CDK13: variants seen among roughly 807,000 people sequenced by gnomAD.
CDK13 encodes the protein cyclin-dependent kinase 13.
CDK13 carries 40 observed loss-of-function variants against 137.6 expected under a neutral mutation model. The ratio of observed to expected loss-of-function variants is 0.29; its 90% CI spans 0.23 to 0.38. CDK13 has a LOEUF of 0.38. Among genes scored for constraint, CDK13 ranks in the 10% least tolerant of loss-of-function variants. CDK13 has a pLI of 1.00. For missense variants in CDK13, 1,704 were observed against 1,951.8 expected (o/e 0.87, Z 2.39); for synonymous variants, 869 against 760.1 (o/e 1.14, Z -2.36).
intron 7 of CDK13, among the ~76,000 whole-genome samples, chr7:40,050,664 A>G (rs956281844): frequency 6.6e-6 from 1 of 152,222 alleles, no homozygotes; most frequent in Admixed American, 6.5e-5. Flanking sequence ...AAGTGCTGGG[A>G]TTATAGGCAT....
intron 6 of CDK13, among the ~76,000 whole-genome samples, chr7:40,046,840 A>G (rs954801239): frequency 1.3e-5 from 2 of 151,688 alleles, no homozygotes; most frequent in African/African-American, 2.4e-5. Flanking sequence ...TGTCTCTACT[A>G]AAAATACAAA....
intron 5 of CDK13, among the ~76,000 whole-genome samples, chr7:40,024,919 C>T (rs1310138659): frequency 6.6e-6 from 1 of 152,070 alleles, no homozygotes. Context: ...CCGCCTTGGC[C>T]TCCCAAAGTG....
intron 5 of CDK13, among the ~76,000 whole-genome samples, chr7:40,033,809 T>C (rs1197159874): frequency 1.3e-5 from 2 of 152,214 alleles, no homozygotes; most frequent in Non-Finnish European, 2.9e-5. Flanking sequence ...CCTGTGTCCC[T>C]GGTCTGTAGT....
At chr7:40,070,502 G>T (rs1194162967) in intron 9 of CDK13, 1 of 151,434 alleles carries the variant, frequency 6.6e-6, no homozygotes, top group Non-Finnish European at 1.5e-5. Flanking sequence ...TTTACTTGAA[G>T]TCAGGAGTTT....
Position 40,099,506 on chromosome 7 carries a change from A to T in CDK13, c.*4526A>T, listed in dbSNP as rs1787101558. ...AACTGTTAACATCTAATGTATTAAT[A>T]TAAGCCATTTGTTTTTTACCATTTT... On this transcript the variant is annotated 3_prime_UTR_variant, in exon 14 of 14. Coordinates refer to ENST00000181839, the MANE Select transcript of CDK13 (RefSeq NM_003718.5). 2 of 152,208 alleles carry T rather than the reference A, an allele frequency of 1.3e-5. No individual in the cohort carries two copies. Among genetic ancestry groups the T allele is most frequent in the Admixed American group, 1.3e-4 (2 of 15,274 alleles). The allele number at this position is 152,208 out of a possible 1,614,324, so 9.4% of individuals were successfully genotyped here.
chr7:40,038,325 A>G (rs1049654731), intron 5 of CDK13, among the ~76,000 whole-genome samples: 3 of 152,246 alleles, frequency 2.0e-5, no homozygotes, highest in Non-Finnish European at 2.9e-5. Context: ...GTAGACAAAA[A>G]TCACGCATTG....
intron 9 of CDK13, chr7:40,073,088 C>T (rs1407577822): frequency 2.0e-5 from 3 of 152,154 alleles, no homozygotes; most frequent in African/African-American, 4.8e-5. Flanking sequence ...CATCATTCTT[C>T]CCAGGGCTAA....
intron 1 of CDK13, among the ~76,000 whole-genome samples, chr7:39,980,866 C>G (rs1784209377): frequency 6.6e-6 from 1 of 152,164 alleles, no homozygotes. Flanking sequence ...ACTAAATAGT[C>G]TAACAACGAG....
intron 3 of CDK13, 103 bp downstream of exon 3, chr7:39,997,767 T>C: frequency 1.2e-6 from 1 of 830,246 alleles, no homozygotes; most frequent in Non-Finnish European, 1.9e-6. Context: ...AAAAATGTAC[T>C]TATTCTTTCA....
At chr7:40,060,730 G>GTA (rs1355581598) in intron 7 of CDK13, 1 of 152,172 alleles carries the variant, frequency 6.6e-6, no homozygotes, top group Non-Finnish European at 1.5e-5. Context: ...TGTAAAGGAA[G>GTA]TATAGCACTT....
chr7:40,052,396 C>G (rs148986437), intron 7 of CDK13, among the ~76,000 whole-genome samples: 2,800 of 152,230 alleles, frequency 0.018, 40 homozygotes, highest in Non-Finnish European at 0.026. Context: ...AGGCTGGCCT[C>G]GAACTCCTGA....
chr7:40,046,246 C>T (rs573697816), intron 6 of CDK13, among the ~76,000 whole-genome samples: 3 of 152,194 alleles, frequency 2.0e-5, no homozygotes, highest in Non-Finnish European at 4.4e-5. Context: ...ACACATATAC[C>T]CCCGAATCTA....
intron 7 of CDK13, among the ~76,000 whole-genome samples, chr7:40,055,007 C>T (rs915564104): frequency 8.5e-5 from 13 of 152,088 alleles, no homozygotes; most frequent in African/African-American, 2.7e-4. Flanking sequence ...ATAGTGAGAT[C>T]TCTATTTTAA....
At chr7:40,020,383 C>A (rs1037758394) in intron 5 of CDK13, among the ~76,000 whole-genome samples, 9 of 152,052 alleles carry the variant, frequency 5.9e-5, no homozygotes, top group Non-Finnish European at 1.3e-4. Context: ...TGTTTTATCG[C>A]CTCATGTTAC....
At chr7:40,084,709 G>A (rs1007199009) in intron 11 of CDK13, among the ~76,000 whole-genome samples, 2 of 152,204 alleles carry the variant, frequency 1.3e-5, no homozygotes, top group African/African-American at 4.8e-5. Flanking sequence ...TGAATTAAAT[G>A]ATCAGTGATG....
rs1459509741 is a variant in CDK13 at position 40,096,612 on chromosome 7, G to A, written c.*1632G>A. On this transcript the variant is annotated 3_prime_UTR_variant, in exon 14 of 14. Transcript: ENST00000181839. ...ATTGGAATCTTAAATTGGAACAACTGTTACAGAATGTATATTGCTCCAGTT... is the reference window on the plus strand; with the variant it reads ...ATTGGAATCTTAAATTGGAACAACTATTACAGAATGTATATTGCTCCAGTT... 2.0e-5 allele frequency: 3 copies of A among 152,166 alleles called. No homozygotes were observed. Among genetic ancestry groups the A allele is most frequent in the South Asian group, 4.1e-4 (2 of 4,822 alleles). The allele number at this position is 152,166 out of a possible 1,614,324, so 9.4% of individuals were successfully genotyped here. A position where few individuals can be genotyped will look rare whatever the true frequency, so the allele number is the denominator to read the frequency against.
At chr7:39,966,538 T>C (rs1219066689) in intron 1 of CDK13, among the ~76,000 whole-genome samples, 1 of 152,198 alleles carries the variant, frequency 6.6e-6, no homozygotes, top group Admixed American at 6.5e-5. Context: ...TTTTAACTTC[T>C]TTGCCATGGG....
intron 1 of CDK13, among the ~76,000 whole-genome samples, chr7:39,959,470 CT>C (rs879337341): frequency 2.0e-3 from 286 of 143,118 alleles, no homozygotes; most frequent in African/African-American, 2.1e-3. Context: ...CTTTTTCTTT[CT>C]TTTTTTTTTT....
Position 39,951,588 on chromosome 7 carries a change from T to G in CDK13, c.947T>G (p.Leu316Arg). Residue 316 changes from leucine to arginine, a missense_variant, in exon 1 of 14, where the codon CTC (leucine) becomes CGC (arginine). Around this residue, in one of 5 missense-constraint regions of CDK13, gnomAD observed 1,051 missense variants for 931.0 expected, o/e 1.13. Coordinates refer to ENST00000181839, the MANE Select transcript of CDK13 (RefSeq NM_003718.5). ...AAGGCCTACAGGCGGCGGCGGTCCC[T>G]CAGCCCACTGGGAGGCCGGGACGAC... ...EPKAYRRRRS[L>R]SPLGGRDDSP... 2 of 1,499,768 alleles carry G rather than the reference T, an allele frequency of 1.3e-6. No individual in the cohort carries two copies. The highest frequency in any genetic ancestry group is 2.3e-5 in the Admixed American group (1 of 43,420). 92.9% of individuals were successfully genotyped at this position (1,499,768 alleles called of 1,614,324 possible).
Sources: allele counts gnomAD v4.1 joint callset (sites outside exome capture counted in the v4.1 genomes callset), GRCh38; gene constraint gnomAD v4.1.1; regional missense constraint gnomAD v4.1.1; transcripts MANE v1.5; gene names NCBI Gene and HGNC (gene_info 2026-07-23, HGNC 2026-07-21).